Variants in DLC1 observed in about 807,000 individuals in gnomAD.
DLC1 encodes DLC1 Rho GTPase activating protein.
DLC1 carries 54 observed loss-of-function variants against 140.3 expected under a neutral mutation model. That is an observed-to-expected ratio of 0.38 (90% CI 0.31 to 0.48). DLC1 has a LOEUF of 0.48. Ranked by LOEUF, DLC1 falls within the 20% of genes least tolerant of loss-of-function variation. The probability of loss-of-function intolerance (pLI) is 0.96; values close to 1 mark genes in which losing one functional copy is unlikely to be tolerated. For synonymous variants in DLC1, 986 were observed against 728.1 expected (o/e 1.35, Z -5.70); for missense variants, 2,536 against 1,907.0 (o/e 1.33, Z -6.14).
intron 5 of DLC1, among the ~76,000 whole-genome samples, chr8:13,196,105 C>T (rs1295160732): frequency 6.6e-6 from 1 of 151,182 alleles, no homozygotes; most frequent in African/African-American, 2.4e-5. Context: ...TACACACACA[C>T]ACACACACAC....
intron 1 of DLC1, among the ~76,000 whole-genome samples, chr8:13,527,563 T>A (rs1802958248): frequency 6.6e-6 from 1 of 152,174 alleles, no homozygotes; most frequent in African/African-American, 2.4e-5. Context: ...TTGTTATTGA[T>A]TTCTAATTTA....
intron 5 of DLC1, among the ~76,000 whole-genome samples, chr8:13,208,637 A>G (rs1237059793): frequency 1.3e-5 from 2 of 152,044 alleles, no homozygotes; most frequent in Non-Finnish European, 2.9e-5. Flanking sequence ...ATCAAGTATG[A>G]GTCATGACTT....
chr8:13,456,077 A>T (rs1180568017), intron 2 of DLC1, among the ~76,000 whole-genome samples: 1 of 152,212 alleles, frequency 6.6e-6, no homozygotes, highest in Non-Finnish European at 1.5e-5. Flanking sequence ...GGGGAAAAGC[A>T]TCATTTCTTT....
chr8:13,265,086 A>G (rs964519885), intron 5 of DLC1, among the ~76,000 whole-genome samples: 3 of 152,242 alleles, frequency 2.0e-5, no homozygotes, highest in African/African-American at 7.2e-5. Flanking sequence ...TATAGTAATA[A>G]AAGTTGTCAA....
chr8:13,506,873 T>A (rs1156306583), intron 1 of DLC1, among the ~76,000 whole-genome samples: 1 of 151,908 alleles, frequency 6.6e-6, no homozygotes, highest in Non-Finnish European at 1.5e-5. Context: ...GTGGTGAGGG[T>A]CACCTTAGTA....
chr8:13,251,298 C>A (rs749770847), intron 5 of DLC1, among the ~76,000 whole-genome samples: 1 of 152,108 alleles, frequency 6.6e-6, no homozygotes, highest in Non-Finnish European at 1.5e-5. Flanking sequence ...ATATAAACTG[C>A]AGGCTGATGG....
intron 2 of DLC1, among the ~76,000 whole-genome samples, chr8:13,495,548 AT>A (rs1370481934): frequency 6.6e-6 from 1 of 152,080 alleles, no homozygotes; most frequent in African/African-American, 2.4e-5. Context: ...ATTTCATCCT[AT>A]TTAGAGGAAT....
At chr8:13,110,058 G>C (rs908125608) in intron 7 of DLC1, among the ~76,000 whole-genome samples, 3 of 152,092 alleles carry the variant, frequency 2.0e-5, no homozygotes, top group Non-Finnish European at 2.9e-5. Context: ...AAATTAGAAA[G>C]GATGAAAAAC....
chr8:13,381,036 A>T (rs1836229255), intron 4 of DLC1, among the ~76,000 whole-genome samples: 1 of 152,186 alleles, frequency 6.6e-6, no homozygotes, highest in South Asian at 2.1e-4. Flanking sequence ...GACCTTATAG[A>T]CATGGAGGGC....
chr8:13,087,746 A>C (rs59822056), intron 16 of DLC1, among the ~76,000 whole-genome samples: 5,287 of 152,326 alleles, frequency 0.035, 323 homozygotes, highest in African/African-American at 0.12. Context: ...TGGACTTCCA[A>C]TGTGACATTT....
chr8:13,366,113 C>T (rs973847653), intron 4 of DLC1, among the ~76,000 whole-genome samples: 9 of 152,202 alleles, frequency 5.9e-5, no homozygotes, highest in South Asian at 2.1e-4. Flanking sequence ...ATTATAGACT[C>T]GAAGAGAAGC....
chr8:13,202,912 A>C (rs537788831), intron 5 of DLC1, among the ~76,000 whole-genome samples: 5 of 152,048 alleles, frequency 3.3e-5, no homozygotes, highest in Non-Finnish European at 7.4e-5. Context: ...GGGCCCAAGT[A>C]ATCCACCCGC....
rs60764792 is a variant in DLC1 at position 13,205,630 on chromosome 8, A to T, written c.1349-89973T>A. 4.2e-3 allele frequency among the ~76,000 whole-genome samples: 643 copies of T among 152,228 alleles called. 9 individuals carry two copies. The highest frequency in any genetic ancestry group is 0.014 in the African/African-American group (592 of 41,510). Reference sequence around the variant, plus strand: ...ATGAGCTAAAAAAAAAATAGCAAAAAATTCTTCTAATATTTTAAGAAAGCT... The same window carrying T: ...ATGAGCTAAAAAAAAAATAGCAAAATATTCTTCTAATATTTTAAGAAAGCT... On this transcript the variant is annotated intron_variant, in intron 5 of 17. Transcript: ENST00000276297.
At chr8:13,246,379 C>T (rs1477716186) in intron 5 of DLC1, among the ~76,000 whole-genome samples, 5 of 152,148 alleles carry the variant, frequency 3.3e-5, no homozygotes, top group Admixed American at 2.6e-4. Context: ...GAAAATTAGG[C>T]ATTAAGGTGT....
intron 5 of DLC1, among the ~76,000 whole-genome samples, chr8:13,121,663 C>T (rs1175774184): frequency 6.6e-6 from 1 of 152,130 alleles, no homozygotes; most frequent in Admixed American, 6.6e-5. Context: ...ACCCTCCTGC[C>T]TCAGCCTCCT....
chr8:13,392,552 C>G (rs532705683), intron 4 of DLC1, among the ~76,000 whole-genome samples: 1 of 152,088 alleles, frequency 6.6e-6, no homozygotes, highest in Non-Finnish European at 1.5e-5. Context: ...ATGCAGTGAA[C>G]AAGCAATCCA....
At chr8:13,580,391 G>A (rs1458330311) in intron 1 of DLC1, among the ~76,000 whole-genome samples, 1 of 152,176 alleles carries the variant, frequency 6.6e-6, no homozygotes, top group Non-Finnish European at 1.5e-5. Context: ...AAAGTGCTGG[G>A]ATTACAGGCG....
intron 4 of DLC1, among the ~76,000 whole-genome samples, chr8:13,376,187 T>C (rs1835976011): frequency 6.6e-6 from 1 of 152,168 alleles, no homozygotes; most frequent in African/African-American, 2.4e-5. Flanking sequence ...TTGGCTCCCA[T>C]TTTCTCTTCC....
chr8:13,413,116 C>A (rs1360263271), intron 2 of DLC1, among the ~76,000 whole-genome samples: 3 of 151,822 alleles, frequency 2.0e-5, no homozygotes, highest in African/African-American at 7.3e-5. Context: ...GGAAAGTGTT[C>A]TATAGAGAGT....
Sources: allele counts gnomAD v4.1 joint callset (sites outside exome capture counted in the v4.1 genomes callset), GRCh38; gene constraint gnomAD v4.1.1; transcripts MANE v1.5; gene names NCBI Gene and HGNC (gene_info 2026-07-23, HGNC 2026-07-21).